The following SLC9C1 variants were observed in gnomAD, a reference collection of about 807,000 sequenced individuals.
SLC9C1 encodes the protein sodium/hydrogen exchanger 10.
A neutral mutation model predicts 140.9 loss-of-function variants in SLC9C1; 97 were observed. The ratio of observed to expected loss-of-function variants is 0.69; its 90% confidence interval spans 0.58 to 0.82. The LOEUF (loss-of-function observed/expected upper bound fraction) is 0.82, where lower values mean the gene tolerates loss of function less well. Ranked by LOEUF, SLC9C1 falls within the 40% of genes least tolerant of loss-of-function variation. SLC9C1 has a pLI of 0.00. For missense variants in SLC9C1, 1,340 were observed against 1,389.3 expected, an observed-to-expected ratio of 0.96 and a Z score of 0.56; for synonymous variants, 440 against 442.6, an observed-to-expected ratio of 0.99 and a Z score of 0.07.
chr3:112,267,049 C>A (rs116632224), intron 7 of SLC9C1, among the ~76,000 whole-genome samples: 1,808 of 151,740 alleles, frequency 0.012, 20 homozygotes, highest in Non-Finnish European at 0.02. Context: ...GGGAGGCTGA[C>A]GGATGACTGC....
At chr3:112,169,630 A>G (rs1210447943) in intron 23 of SLC9C1, among the ~76,000 whole-genome samples, 1 of 152,074 alleles carries the variant, frequency 6.6e-6, no homozygotes, top group African/African-American at 2.4e-5. Context: ...TTTGATTACT[A>G]TATCTTTATA....
chr3:112,191,933 T>G (rs2077668869), intron 20 of SLC9C1, among the ~76,000 whole-genome samples: 2 of 152,124 alleles, frequency 1.3e-5, no homozygotes, highest in African/African-American at 4.8e-5. Flanking sequence ...GTGTTTATGT[T>G]TGCTATTGGA....
chr3:112,154,850 G>A, intron 27 of SLC9C1, 147 bp downstream of exon 27: 1 of 688,646 alleles, frequency 1.5e-6, no homozygotes, highest in Non-Finnish European at 2.4e-6. Flanking sequence ...TGTACCCAGT[G>A]CTAAAATAAG....
intron 26 of SLC9C1, among the ~76,000 whole-genome samples, chr3:112,162,914 G>T (rs2075350957): frequency 7.3e-6 from 1 of 137,336 alleles, no homozygotes; most frequent in Non-Finnish European, 1.6e-5. Flanking sequence ...ACCCTTTTTG[G>T]TTGGTAAGCT....
chr3:112,213,380 C>T (rs1353282423), intron 15 of SLC9C1, among the ~76,000 whole-genome samples: 1 of 152,134 alleles, frequency 6.6e-6, no homozygotes. Flanking sequence ...TATAAATGGG[C>T]TAAATGCTCC....
chr3:112,259,441 CAT>C (rs2079708638), intron 10 of SLC9C1, among the ~76,000 whole-genome samples: 1 of 140,342 alleles, frequency 7.1e-6, no homozygotes, highest in African/African-American at 2.6e-5. Flanking sequence ...AAGCAAAAAA[CAT>C]AAACCAAGAC....
chr3:112,182,306 A>G, intron 20 of SLC9C1, 48 bp from the exon 21 acceptor site: 1 of 1,559,714 alleles, frequency 6.4e-7, no homozygotes, highest in Non-Finnish European at 8.6e-7. Flanking sequence ...TGCTGTTCCC[A>G]GAATGTTTAA....
At position 112,180,582 on chromosome 3, in the gene SLC9C1, A is replaced by G. The variant is rs759572833; in HGVS notation, c.2730T>C (p.Ile910=). 3 of 1,609,474 alleles carry G rather than the reference A, an allele frequency of 1.9e-6. No individual in the cohort carries two copies. The highest frequency in any genetic ancestry group is 2.7e-5 in the African/African-American group (2 of 74,692). Residue 910 remains isoleucine, a synonymous_variant, in exon 22 of 29, where the codon ATT becomes ATC. Transcript: ENST00000305815. ...GCCTTACCTTTACCATGCCTGAAAT[A>G]ATGATATAGATTCCTTTGGGCTCAT... The part of the protein sequence containing the change: ...EGDEPKGIYI[I]ISGMVKLEKS...
intron 24 of SLC9C1, 43 bp downstream of exon 24, chr3:112,169,154 C>T (rs1298966638): frequency 6.3e-7 from 1 of 1,597,764 alleles, no homozygotes; most frequent in African/African-American, 1.3e-5. Context: ...TAATGCCATT[C>T]CATTCAAAGA....
chr3:112,290,453 T>G (rs949262998), intron 1 of SLC9C1, among the ~76,000 whole-genome samples: 4 of 152,232 alleles, frequency 2.6e-5, no homozygotes, highest in African/African-American at 9.6e-5. Context: ...TTGCATTTGC[T>G]GACAAGTGTT....
At chr3:112,174,569 G>A (rs1403083043) in intron 23 of SLC9C1, among the ~76,000 whole-genome samples, 4 of 152,188 alleles carry the variant, frequency 2.6e-5, no homozygotes, top group Non-Finnish European at 5.9e-5. Context: ...CAGTGAGTAT[G>A]CGCAGTTGTG....
At chr3:112,241,521 TC>T (rs2079139104) in intron 11 of SLC9C1, among the ~76,000 whole-genome samples, 1 of 152,140 alleles carries the variant, frequency 6.6e-6, no homozygotes, top group Non-Finnish European at 1.5e-5. Context: ...GGCCACATTA[TC>T]CAAAGCAATA....
intron 12 of SLC9C1, among the ~76,000 whole-genome samples, chr3:112,236,452 T>C (rs538875988): frequency 1.3e-5 from 2 of 152,350 alleles, no homozygotes; most frequent in African/African-American, 4.8e-5. Context: ...TGAAGGGATT[T>C]TATGTCTCTA....
intron 1 of SLC9C1, among the ~76,000 whole-genome samples, chr3:112,289,235 G>T (rs56089255): frequency 6.6e-6 from 1 of 152,126 alleles, no homozygotes; most frequent in Non-Finnish European, 1.5e-5. Flanking sequence ...TATTTGTTGC[G>T]GTGAAGGAGA....
intron 5 of SLC9C1, among the ~76,000 whole-genome samples, chr3:112,275,741 A>G (rs116509368): frequency 0.012 from 1,813 of 152,248 alleles, 29 homozygotes; most frequent in Non-Finnish European, 0.019. Context: ...CCTAACTACA[A>G]TCAGTATGCT....
chr3:112,230,397 C>T (rs943847246), intron 13 of SLC9C1, among the ~76,000 whole-genome samples: 1 of 152,116 alleles, frequency 6.6e-6, no homozygotes, highest in Non-Finnish European at 1.5e-5. Context: ...ATATTTGCTA[C>T]CTCTGTGTTA....
chr3:112,264,623 C>T (rs899192305), intron 8 of SLC9C1, among the ~76,000 whole-genome samples: 14 of 151,754 alleles, frequency 9.2e-5, no homozygotes, highest in Admixed American at 7.9e-4. Context: ...GTTGCAGAAT[C>T]GTGAGAATTT....
intron 26 of SLC9C1, among the ~76,000 whole-genome samples, chr3:112,160,160 A>G (rs576571886): frequency 2.2e-4 from 33 of 150,378 alleles, no homozygotes; most frequent in East Asian, 7.8e-4. Context: ...CTTTCTTACT[A>G]TCTTCCATTG....
chr3:112,270,405 CTCTTT>C lies in SLC9C1; in HGVS notation c.614-333_614-329del, dbSNP rs1319827923. On this transcript the variant is annotated intron_variant, in intron 6 of 28. Transcript: ENST00000305815. ...TTTCTCTGCAATCTTACTAACACTT[CTCTTT>C]TATCTTTTTGATAAAAGCCATTCTA... 7.2e-5 allele frequency among the ~76,000 whole-genome samples: 11 copies of C among 152,212 alleles called. No individual in the cohort carries two copies. In the South Asian group the frequency reaches 1.2e-3, roughly 17 times the overall value.
Sources: allele counts gnomAD v4.1 joint callset (sites outside exome capture counted in the v4.1 genomes callset), GRCh38; gene constraint gnomAD v4.1.1; transcripts MANE v1.5; gene names NCBI Gene and HGNC (gene_info 2026-07-23, HGNC 2026-07-21).